The following AP3D1 variants were observed in gnomAD, a reference collection of about 807,000 sequenced individuals.
The protein encoded by AP3D1 is adaptor related protein complex 3 subunit delta 1.
AP3D1 carries 51 observed loss-of-function variants against 147.6 expected under a neutral mutation model. That is an observed-to-expected ratio of 0.35 (90% CI 0.28 to 0.44). The LOEUF (loss-of-function observed/expected upper bound fraction) is 0.44. Ranked by LOEUF, AP3D1 falls within the 20% of genes least tolerant of loss-of-function variation. The pLI is 1.00. For missense variants in AP3D1, 1,421 were observed against 1,624.2 expected (o/e 0.87, Z 2.15); for synonymous variants, 760 against 663.0 (o/e 1.15, Z -2.25).
chr19:2,111,762 T>A lies in AP3D1; in HGVS notation c.2854A>T (p.Lys952Ter), dbSNP rs375904659. The A allele has an allele frequency of 5.6e-6, 9 of 1,611,946 alleles. No homozygotes were observed. The highest frequency in any genetic ancestry group is 2.2e-5 in the East Asian group (1 of 44,846). ...CTGCCTGGAGGCTGCTTCTTGGACT[T>A]CTTCTTGCCTTTGGTCCGCTCCTCC... ...EKEERTKGKK[K>*]SKKQPPGSEE... Residue 952 changes from lysine to a stop codon, truncating the protein, a stop_gained, in exon 25 of 32, where the codon AAG becomes TAG. Coordinates refer to ENST00000643116, the MANE Select transcript of AP3D1 (RefSeq NM_001261826.3). LOFTEE classifies it high-confidence loss of function.
chr19:2,129,544 G>C, intron 6 of AP3D1, 87 bp from the exon 7 acceptor site: 1 of 1,475,830 alleles, frequency 6.8e-7, no homozygotes, highest in Non-Finnish European at 9.0e-7. Flanking sequence ...AGGAAGTTCT[G>C]GGGCCTGCAG....
chr19:2,150,901 T>C (rs1317028197), intron 1 of AP3D1, among the ~76,000 whole-genome samples: 1 of 152,066 alleles, frequency 6.6e-6, no homozygotes, highest in Non-Finnish European at 1.5e-5. Context: ...CGAATCTCCC[T>C]CTGAGAGAGT....
At chr19:2,108,136 TCTA>T (rs1326482825) in intron 31 of AP3D1, among the ~76,000 whole-genome samples, 4 of 152,036 alleles carry the variant, frequency 2.6e-5, no homozygotes, top group African/African-American at 9.7e-5. Context: ...GAGGACACAC[TCTA>T]CTGCACGTCT....
At chr19:2,115,496 C>T in intron 19 of AP3D1, 42 bp downstream of exon 19, 1 of 1,611,054 alleles carries the variant, frequency 6.2e-7, no homozygotes, top group Non-Finnish European at 8.5e-7. Flanking sequence ...CACCCCACAG[C>T]CCATGTGACA....
chr19:2,102,227 G>A lies in AP3D1; in HGVS notation c.3594C>T (p.Ser1198=). ...SVSVDGKCSD[S]TLLSNLLEEM... The stretch of plus-strand genomic sequence containing the variant: ...CTTCTAACAAGTTGCTCAGTAGCGT[G>A]GAGTCACTGCACTTCCCGTCGACTG... Residue 1198 remains serine (S), a synonymous_variant, in exon 32 of 32, where the codon TCC becomes TCT. Transcript: ENST00000643116. 6.2e-7 allele frequency: 1 copy of A among 1,614,036 alleles called. No homozygotes were observed. The highest frequency in any genetic ancestry group is 8.5e-7 in the Non-Finnish European group (1 of 1,179,964).
chr19:2,130,798 A>T (rs913681965), intron 5 of AP3D1, among the ~76,000 whole-genome samples: 1 of 152,204 alleles, frequency 6.6e-6, no homozygotes, highest in Non-Finnish European at 1.5e-5. Context: ...CCACAGTGGG[A>T]GGAAGGCTGG....
chr19:2,164,198 T>G (rs954850357), intron 1 of AP3D1: 2 of 1,247,982 alleles, frequency 1.6e-6, no homozygotes, highest in South Asian at 7.0e-5. Context: ...GGGGAGAAGC[T>G]GGAGCTGAGA....
In AP3D1 at chr19:2,151,406, C is replaced by G. The variant is rs547615238; in HGVS notation, c.-72G>C. On this transcript the variant is annotated 5_prime_UTR_variant, in exon 1 of 32. Transcript: ENST00000643116. ...CCGTGAGGGGGCCCGGGGCCCGTGC[C>G]TGCCGCCCGCGGAGCGCCGCGCTGC... The G allele has an allele frequency of 2.9e-6, 3 of 1,030,746 alleles. No homozygotes were observed. Among genetic ancestry groups the G allele is most frequent in the South Asian group, 4.4e-5 (1 of 22,670 alleles). The allele number at this position is 1,030,746 out of a possible 1,614,324, so 63.9% of individuals were successfully genotyped here.
At chr19:2,142,876 T>C (rs1233440632) in intron 1 of AP3D1, among the ~76,000 whole-genome samples, 1 of 152,078 alleles carries the variant, frequency 6.6e-6, no homozygotes, top group African/African-American at 2.4e-5. Context: ...GTGATTCTCC[T>C]GTCTCAGCCT....
intron 29 of AP3D1, 37 bp downstream of exon 29, chr19:2,109,836 G>A (rs765770370): frequency 1.2e-5 from 19 of 1,594,168 alleles, no homozygotes; most frequent in Non-Finnish European, 1.6e-5. Flanking sequence ...GAGGCGGAGG[G>A]GGTTCGGGGA....
intron 4 of AP3D1, among the ~76,000 whole-genome samples, chr19:2,134,353 C>T (rs536379638): frequency 8.6e-5 from 13 of 151,526 alleles, no homozygotes; most frequent in Admixed American, 2.6e-4. Context: ...CCTAGGAGGT[C>T]GAGGCTGCAG....
At chr19:2,108,141 T>G (rs1393183041) in intron 31 of AP3D1, among the ~76,000 whole-genome samples, 1 of 152,316 alleles carries the variant, frequency 6.6e-6, no homozygotes, top group African/African-American at 2.4e-5. Context: ...CACACTCTAC[T>G]GCACGTCTGA....
chr19:2,150,959 T>C (rs2019491768), intron 1 of AP3D1, among the ~76,000 whole-genome samples: 2 of 152,098 alleles, frequency 1.3e-5, no homozygotes, highest in Non-Finnish European at 2.9e-5. Flanking sequence ...GCCCAGGGCA[T>C]TGCATTTTGA....
chr19:2,139,966 G>C (rs1017772204), intron 1 of AP3D1, among the ~76,000 whole-genome samples: 8 of 152,020 alleles, frequency 5.3e-5, no homozygotes, highest in Admixed American at 3.3e-4. Flanking sequence ...GTGGGGGAGT[G>C]GGGGGGTGGG....
chr19:2,163,847 C>A (rs1039650706), intron 1 of AP3D1, among the ~76,000 whole-genome samples: 1 of 149,902 alleles, frequency 6.7e-6, no homozygotes, highest in South Asian at 2.1e-4. Context: ...CGCGGGTCGG[C>A]CCGCTGGGCG....
intron 1 of AP3D1, among the ~76,000 whole-genome samples, chr19:2,157,335 G>C (rs1360190517): frequency 2.0e-5 from 3 of 150,162 alleles, no homozygotes; most frequent in Admixed American, 1.3e-4. Flanking sequence ...CCAGCTACTT[G>C]GGAGGCTGAG....
intron 22 of AP3D1, 35 bp from the exon 23 acceptor site, chr19:2,113,448 T>A: frequency 1.5e-6 from 2 of 1,335,568 alleles, no homozygotes; most frequent in Non-Finnish European, 2.0e-6. Flanking sequence ...GCAAACGCAG[T>A]GCAATGGTCC....
intron 1 of AP3D1, among the ~76,000 whole-genome samples, chr19:2,163,972 C>T (rs1318273996): frequency 1.3e-5 from 2 of 149,638 alleles, no homozygotes; most frequent in South Asian, 2.1e-4. Context: ...GGCGGAGGCG[C>T]TGGAGGCCCC....
intron 4 of AP3D1, among the ~76,000 whole-genome samples, chr19:2,135,888 C>T (rs2019063049): frequency 6.6e-6 from 1 of 152,086 alleles, no homozygotes; most frequent in African/African-American, 2.4e-5. Context: ...CACCCTCCTC[C>T]CTCCCAGTTA....
Sources: allele counts gnomAD v4.1 joint callset (sites outside exome capture counted in the v4.1 genomes callset), GRCh38; gene constraint gnomAD v4.1.1; transcripts MANE v1.5; gene names NCBI Gene and HGNC (gene_info 2026-07-23, HGNC 2026-07-21).